The following GLRA1 variants were observed in gnomAD, a reference collection of about 807,000 sequenced individuals.
The protein encoded by GLRA1 is glycine receptor alpha 1.
Under a neutral mutation model 48.3 loss-of-function variants are expected in GLRA1, and 37 were observed. The observed-to-expected ratio is 0.77, with a 90% CI of 0.59 to 1.01. The LOEUF (loss-of-function observed/expected upper bound fraction) is 1.01, where lower values mean the gene tolerates loss of function less well. GLRA1 is among the 50% of genes least tolerant of loss of function. The pLI, the probability that GLRA1 is intolerant of heterozygous loss-of-function variation, is 0.00. For synonymous variants in GLRA1, 196 were observed against 210.7 expected, an observed-to-expected ratio of 0.93 and a Z score of 0.60; for missense variants, 427 against 571.0, an observed-to-expected ratio of 0.75 and a Z score of 2.57.
At chr5:151,888,856 C>T (rs1258088079) in intron 2 of GLRA1, among the ~76,000 whole-genome samples, 4 of 152,206 alleles carry the variant, frequency 2.6e-5, no homozygotes, top group African/African-American at 9.6e-5. Context: ...TTGGATAGCT[C>T]TGTCTGCTAA....
intron 3 of GLRA1, among the ~76,000 whole-genome samples, chr5:151,861,428 G>C (rs1007679132): frequency 2.0e-5 from 3 of 152,228 alleles, no homozygotes; most frequent in Non-Finnish European, 2.9e-5. Context: ...TCTAACTGGT[G>C]TGAGATGGTA....
At chr5:151,857,696 AC>A (rs1330523479) in intron 4 of GLRA1, among the ~76,000 whole-genome samples, 5 of 152,182 alleles carry the variant, frequency 3.3e-5, no homozygotes, top group Admixed American at 3.3e-4. Flanking sequence ...TGGTTGTTCA[AC>A]CCTGACAGAG....
chr5:151,831,790 T>C (rs918261996), intron 7 of GLRA1, among the ~76,000 whole-genome samples: 3 of 152,214 alleles, frequency 2.0e-5, no homozygotes, highest in African/African-American at 7.2e-5. Flanking sequence ...AGCACAGCAC[T>C]CGAGCTCTGC....
Position 151,851,607 on chromosome 5 carries a change from G to A in GLRA1, c.698-3C>T, listed in dbSNP as rs1484908912. On this transcript the variant is annotated splice_region_variant and splice_polypyrimidine_tract_variant and intron_variant, in intron 6 of 8. Coordinates refer to ENST00000274576, the MANE Select transcript of GLRA1 (RefSeq NM_000171.4). ...GGCCTCAATGCAGGTGAATTTACCTGCAAGAAATTGCAGTGAGAAGGCAGT... is the reference window on the plus strand; with the variant it reads ...GGCCTCAATGCAGGTGAATTTACCTACAAGAAATTGCAGTGAGAAGGCAGT... 6.2e-7 allele frequency: 1 copy of A among 1,603,438 alleles called. No individual in the cohort carries two copies. The highest frequency in any genetic ancestry group is 8.5e-7 in the Non-Finnish European group (1 of 1,170,354).
intron 7 of GLRA1, among the ~76,000 whole-genome samples, chr5:151,846,119 T>C (rs1399198498): frequency 1.3e-5 from 2 of 152,182 alleles, no homozygotes; most frequent in Non-Finnish European, 2.9e-5. Context: ...GTGATGAAAA[T>C]GTTCTGGAAT....
At chr5:151,869,889 A>G (rs192718684) in intron 3 of GLRA1, among the ~76,000 whole-genome samples, 1 of 149,752 alleles carries the variant, frequency 6.7e-6, no homozygotes, top group Non-Finnish European at 1.5e-5. Flanking sequence ...GGTGCTAGGA[A>G]CAGAGATATG....
At chr5:151,882,662 C>T (rs1040082702) in intron 3 of GLRA1, among the ~76,000 whole-genome samples, 1 of 151,944 alleles carries the variant, frequency 6.6e-6, no homozygotes, top group Non-Finnish European at 1.5e-5. Context: ...GTGACCTTAC[C>T]ATTCTAACAA....
At chr5:151,894,488 T>C (rs1182185806) in intron 1 of GLRA1, among the ~76,000 whole-genome samples, 1 of 152,132 alleles carries the variant, frequency 6.6e-6, no homozygotes, top group African/African-American at 2.4e-5. Context: ...ATGACGTCAA[T>C]ATACTTCCAC....
At position 151,924,583 on chromosome 5, in the gene GLRA1, T is replaced by C; in HGVS notation, c.-34A>G. 1.5e-6 allele frequency: 2 copies of C among 1,347,114 alleles called. No homozygotes were observed. Among genetic ancestry groups the C allele is most frequent in the Non-Finnish European group, 2.1e-6 (2 of 936,028 alleles). 83.4% of individuals were successfully genotyped at this position (1,347,114 alleles called of 1,614,324 possible). A position where few individuals can be genotyped will look rare whatever the true frequency, so the allele number is the denominator to read the frequency against. On this transcript the variant is annotated 5_prime_UTR_variant, in exon 1 of 9. In the 5' UTR this introduces an upstream ATG that the reference lacks. Transcript: ENST00000274576. The stretch of plus-strand genomic sequence containing the variant: ...TCCTTGTGCTTTGTAGTCCACGAGT[T>C]ATGGGGGCAAAAATGTTTCAAATTG...
intron 8 of GLRA1, among the ~76,000 whole-genome samples, chr5:151,828,302 A>G (rs553673987): frequency 3.3e-4 from 51 of 152,292 alleles, no homozygotes; most frequent in African/African-American, 1.2e-3. Flanking sequence ...GGTATGGAGC[A>G]GTTTGCTCCA....
At chr5:151,836,133 T>A (rs1763572474) in intron 7 of GLRA1, among the ~76,000 whole-genome samples, 1 of 152,196 alleles carries the variant, frequency 6.6e-6, no homozygotes, top group African/African-American at 2.4e-5. Flanking sequence ...AAAATCAATG[T>A]GCAAAAATCA....
intron 7 of GLRA1, among the ~76,000 whole-genome samples, chr5:151,837,936 G>A (rs1349629857): frequency 6.6e-6 from 1 of 152,130 alleles, no homozygotes; most frequent in Admixed American, 6.5e-5. Context: ...TTCTGCACAT[G>A]TATCCCAGAA....
Position 151,851,386 on chromosome 5 carries a change from T to C in GLRA1, c.912+4A>G, listed in dbSNP as rs776102866. 7.5e-6 allele frequency: 12 copies of C among 1,606,948 alleles called. No homozygotes were observed. The South Asian group carries it at 1.3e-4, about 18-fold the overall frequency. On this transcript the variant is annotated splice_donor_region_variant and intron_variant, in intron 7 of 8. Coordinates refer to ENST00000274576, the MANE Select transcript of GLRA1 (RefSeq NM_000171.4). ...GTTCTGTGCTCTTGGGCAATGGGAC[T>C]TACCTTGGGCAGAGATGCTCGAGAG...
intron 2 of GLRA1, among the ~76,000 whole-genome samples, chr5:151,889,086 G>A (rs1365704251): frequency 6.6e-6 from 1 of 152,194 alleles, no homozygotes; most frequent in African/African-American, 2.4e-5. Flanking sequence ...CCCTGCAAGT[G>A]TCTGGCACTG....
chr5:151,856,046 A>C (rs1164536512), intron 5 of GLRA1, among the ~76,000 whole-genome samples: 1 of 152,224 alleles, frequency 6.6e-6, no homozygotes, highest in Non-Finnish European at 1.5e-5. Flanking sequence ...CTCCGTTCAC[A>C]TTTACCATAG....
chr5:151,902,244 G>A (rs958366184), intron 1 of GLRA1, among the ~76,000 whole-genome samples: 1 of 152,008 alleles, frequency 6.6e-6, no homozygotes, highest in Non-Finnish European at 1.5e-5. Context: ...ACTGAGGCTC[G>A]ATTGAAAGGT....
intron 2 of GLRA1, among the ~76,000 whole-genome samples, chr5:151,888,911 T>G (rs1753986492): frequency 6.6e-6 from 1 of 152,214 alleles, no homozygotes; most frequent in African/African-American, 2.4e-5. Flanking sequence ...TCCTTGTCAC[T>G]TCCACCTAAA....
At chr5:151,885,086 C>G (rs757554899) in intron 3 of GLRA1, among the ~76,000 whole-genome samples, 6 of 152,194 alleles carry the variant, frequency 3.9e-5, no homozygotes, top group Non-Finnish European at 7.3e-5. Context: ...AATGTGGGAA[C>G]AGTCTTCGTG....
At chr5:151,897,991 C>T (rs906840475) in intron 1 of GLRA1, among the ~76,000 whole-genome samples, 1 of 152,152 alleles carries the variant, frequency 6.6e-6, no homozygotes, top group Admixed American at 6.5e-5. Flanking sequence ...TAAAGGACCT[C>T]AGATGTTACT....
Sources: allele counts gnomAD v4.1 joint callset (sites outside exome capture counted in the v4.1 genomes callset), GRCh38; gene constraint gnomAD v4.1.1; transcripts MANE v1.5; gene names NCBI Gene and HGNC (gene_info 2026-07-23, HGNC 2026-07-21).